CNTNAP4: variants seen among roughly 807,000 people sequenced by gnomAD.
CNTNAP4 encodes the protein contactin-associated protein-like 4.
A neutral mutation model predicts 148.4 loss-of-function variants in CNTNAP4; 98 were observed. That is an observed-to-expected ratio of 0.66 (90% CI 0.56 to 0.78). The LOEUF is 0.78. Among genes scored for constraint, CNTNAP4 ranks in the 30% least tolerant of loss-of-function variants. The pLI, the probability that CNTNAP4 is intolerant of heterozygous loss-of-function variation, is 0.00. For missense variants in CNTNAP4, 1,935 were observed against 1,565.6 expected, an observed-to-expected ratio of 1.24 and a Z score of -3.98; for synonymous variants, 730 against 565.1, an observed-to-expected ratio of 1.29 and a Z score of -4.14.
intron 22 of CNTNAP4, 61 bp downstream of exon 22, chr16:76,553,562 ACTT>A: frequency 1.6e-6 from 2 of 1,246,660 alleles, no homozygotes; most frequent in Non-Finnish European, 2.3e-6. Flanking sequence ...AATTTAGAAA[ACTT>A]CTCATGTGGC....
At chr16:76,299,708 T>C (rs1257468183) in intron 1 of CNTNAP4, among the ~76,000 whole-genome samples, 1 of 152,148 alleles carries the variant, frequency 6.6e-6, no homozygotes, top group Middle Eastern at 3.2e-3. Flanking sequence ...ATGTTTATTG[T>C]GGCACTATTC....
intron 15 of CNTNAP4, among the ~76,000 whole-genome samples, chr16:76,500,865 G>C (rs2082610928): frequency 6.6e-6 from 1 of 151,822 alleles, no homozygotes; most frequent in African/African-American, 2.4e-5. Context: ...AGTTAGATTA[G>C]CGACTAGTGC....
intron 3 of CNTNAP4, among the ~76,000 whole-genome samples, chr16:76,357,058 A>ACAC (rs2012759140): frequency 6.8e-6 from 1 of 147,962 alleles, no homozygotes; most frequent in East Asian, 2.0e-4. Flanking sequence ...AACAAAACAA[A>ACAC]ACACACACAC....
At chr16:76,313,978 T>G (rs1227754078) in intron 1 of CNTNAP4, among the ~76,000 whole-genome samples, 1 of 152,116 alleles carries the variant, frequency 6.6e-6, no homozygotes, top group Non-Finnish European at 1.5e-5. Context: ...AAAGATGACA[T>G]CGAATGAAGA....
intron 2 of CNTNAP4, among the ~76,000 whole-genome samples, chr16:76,336,972 G>C (rs1044133930): frequency 1.3e-5 from 2 of 152,006 alleles, no homozygotes; most frequent in African/African-American, 4.8e-5. Context: ...AACTTGCTTT[G>C]GAAGCCACCC....
At chr16:76,290,995 A>C (rs8048120) in intron 1 of CNTNAP4, among the ~76,000 whole-genome samples, 122,904 of 151,882 alleles carry the variant, frequency 0.81, 50,000 homozygotes, top group African/African-American at 0.86. Flanking sequence ...GGTGTCTCTT[A>C]CTCTTCTTAT....
chr16:76,422,791 A>G (rs1383698139), intron 3 of CNTNAP4, among the ~76,000 whole-genome samples: 3 of 152,192 alleles, frequency 2.0e-5, no homozygotes, highest in African/African-American at 7.2e-5. Context: ...TAGCTAATAC[A>G]TTTCTGCTAT....
chr16:76,397,224 G>A (rs543755785), intron 3 of CNTNAP4, among the ~76,000 whole-genome samples: 1 of 152,076 alleles, frequency 6.6e-6, no homozygotes, highest in East Asian at 1.9e-4. Flanking sequence ...TCCAAGCAGA[G>A]AATCCATGGA....
At chr16:76,397,945 CATAT>C (rs71134756) in intron 3 of CNTNAP4, among the ~76,000 whole-genome samples, 6 of 24,122 alleles carry the variant, frequency 2.5e-4, no homozygotes, top group African/African-American at 1.4e-3. Context: ...AGATTATATA[CATAT>C]ATATATATAT....
intron 4 of CNTNAP4, among the ~76,000 whole-genome samples, chr16:76,447,155 A>G (rs1457243811): frequency 6.6e-6 from 1 of 151,882 alleles, no homozygotes; most frequent in Non-Finnish European, 1.5e-5. Flanking sequence ...TAAAAAATAA[A>G]CAAAATTAGC....
At chr16:76,496,486 A>G (rs1416516789) in intron 14 of CNTNAP4, among the ~76,000 whole-genome samples, 1 of 152,140 alleles carries the variant, frequency 6.6e-6, no homozygotes, top group Non-Finnish European at 1.5e-5. Flanking sequence ...AATCCAGGAA[A>G]AAAATGTTAG....
chr16:76,402,949 T>C (rs1418267881), intron 3 of CNTNAP4, among the ~76,000 whole-genome samples: 5 of 152,234 alleles, frequency 3.3e-5, no homozygotes, highest in African/African-American at 1.2e-4. Flanking sequence ...AAGATTGTTT[T>C]ATGTGCAATT....
At chr16:76,405,464 C>T (rs1434640582) in intron 3 of CNTNAP4, among the ~76,000 whole-genome samples, 1 of 152,168 alleles carries the variant, frequency 6.6e-6, no homozygotes, top group Non-Finnish European at 1.5e-5. Context: ...AAGGTAACTG[C>T]TAATAGCTTA....
chr16:76,399,233 T>A (rs1173149730), intron 3 of CNTNAP4, among the ~76,000 whole-genome samples: 3 of 152,188 alleles, frequency 2.0e-5, no homozygotes, highest in Non-Finnish European at 1.5e-5. Flanking sequence ...TACACTTTGC[T>A]AACTGTGTAG....
intron 2 of CNTNAP4, among the ~76,000 whole-genome samples, chr16:76,328,104 C>A (rs1286226219): frequency 2.0e-5 from 3 of 152,168 alleles, no homozygotes; most frequent in Non-Finnish European, 2.9e-5. Flanking sequence ...GGAAGTAGAT[C>A]ATAATTCTCT....
At chr16:76,371,600 G>A (rs2014831346) in intron 3 of CNTNAP4, among the ~76,000 whole-genome samples, 1 of 152,070 alleles carries the variant, frequency 6.6e-6, no homozygotes, top group Non-Finnish European at 1.5e-5. Flanking sequence ...TCACTTCTGG[G>A]ACAAGGTTAC....
At chr16:76,375,791 A>T (rs187582118) in intron 3 of CNTNAP4, among the ~76,000 whole-genome samples, 118 of 152,316 alleles carry the variant, frequency 7.7e-4, no homozygotes, top group African/African-American at 2.8e-3. Context: ...GCCAAGAGTG[A>T]CTTGAATAGT....
In CNTNAP4 at chr16:76,373,724, A is replaced by G. The variant is rs149527664; in HGVS notation, c.390+18213A>G. ...AGTCTGGCCAACATGGTGAAACCCT[A>G]TCTCTACTAAAAATACAAAAATTAG... On this transcript the variant is annotated intron_variant, in intron 3 of 23. Transcript: ENST00000611870. 7.9e-3 allele frequency among the ~76,000 whole-genome samples: 1,194 copies of G among 151,838 alleles called. 15 individuals are homozygous for G. Among genetic ancestry groups the G allele is most frequent in the African/African-American group, 0.026 (1,078 of 41,388 alleles).
intron 4 of CNTNAP4, among the ~76,000 whole-genome samples, chr16:76,434,132 T>G (rs1431951537): frequency 6.7e-6 from 1 of 148,868 alleles, no homozygotes; most frequent in Non-Finnish European, 1.5e-5. Context: ...TATATATTTA[T>G]AAATATATAT....
Sources: gnomAD v4.1 joint callset for allele counts (sites outside exome capture counted in the v4.1 genomes callset) on GRCh38, gnomAD v4.1.1 for gene constraint, MANE v1.5 for transcripts, NCBI Gene and HGNC (gene_info 2026-07-23, HGNC 2026-07-21) for gene names.